Variants in UGT1A8 observed in about 807,000 individuals in gnomAD.
The protein encoded by UGT1A8 is UDP-glucuronosyltransferase 1A8.
In UGT1A8, 39 loss-of-function variants were observed where a neutral mutation model predicts 45.3. The observed-to-expected ratio is 0.86, with a 90% CI of 0.67 to 1.12. The LOEUF is 1.12. UGT1A8 is among the 50% of genes most tolerant of loss of function. The probability of loss-of-function intolerance (pLI) is 0.00; values close to 1 mark genes in which losing one functional copy is unlikely to be tolerated. For missense variants in UGT1A8, 719 were observed against 664.9 expected, an observed-to-expected ratio of 1.08 and a Z score of -0.90; for synonymous variants, 275 against 249.2, an observed-to-expected ratio of 1.10 and a Z score of -0.97.
chr2:233,732,685 AC>A (rs1163255557), intron 1 of UGT1A8, among the ~76,000 whole-genome samples: 1 of 150,632 alleles, frequency 6.6e-6, no homozygotes, highest in African/African-American at 2.4e-5. Context: ...TGGTACCAGC[AC>A]CCATGCTGTT....
chr2:233,718,849 C>T (rs199761544), intron 1 of UGT1A8: 64 of 1,613,712 alleles, frequency 4.0e-5, no homozygotes, highest in South Asian at 1.6e-4. Flanking sequence ...GTTCCCCTGC[C>T]GCGGCTGGCC....
At chr2:233,712,639 C>T (rs184142486) in intron 1 of UGT1A8, among the ~76,000 whole-genome samples, 30 of 152,228 alleles carry the variant, frequency 2.0e-4, no homozygotes, top group Non-Finnish European at 2.4e-4. Flanking sequence ...TCAGCTGCAG[C>T]CTGATAAACG....
intron 1 of UGT1A8, among the ~76,000 whole-genome samples, chr2:233,621,048 CA>C (rs1256013946): frequency 6.6e-6 from 1 of 152,102 alleles, no homozygotes; most frequent in Admixed American, 6.5e-5. Context: ...TCTCCTGTAA[CA>C]AAATCTCCTT....
intron 1 of UGT1A8, among the ~76,000 whole-genome samples, chr2:233,724,129 T>A (rs2077172457): frequency 8.6e-6 from 1 of 116,454 alleles, no homozygotes. Context: ...GCCCCTCACC[T>A]CCCGGACGGG....
chr2:233,680,695 G>A (rs953367999), intron 1 of UGT1A8, among the ~76,000 whole-genome samples: 3 of 152,170 alleles, frequency 2.0e-5, no homozygotes, highest in African/African-American at 4.8e-5. Context: ...ATGAAAACAG[G>A]TAGAAGATGT....
intron 1 of UGT1A8, among the ~76,000 whole-genome samples, chr2:233,689,462 A>G (rs2074944838): frequency 6.6e-6 from 1 of 152,236 alleles, no homozygotes; most frequent in South Asian, 2.1e-4. Flanking sequence ...CATTTTAGGA[A>G]AACAGAAGTT....
At chr2:233,624,617 G>T (rs922598593) in intron 1 of UGT1A8, among the ~76,000 whole-genome samples, 1 of 152,048 alleles carries the variant, frequency 6.6e-6, no homozygotes, top group Non-Finnish European at 1.5e-5. Flanking sequence ...TAATAATCTT[G>T]AAATGAGGTA....
Position 233,747,516 on chromosome 2 carries a change from G to C in UGT1A8, c.856-19518G>C, listed in dbSNP as rs1693703556. The C allele has an allele frequency of 1.9e-6, 3 of 1,607,196 alleles. 1 individual carries two copies. The African/African-American group carries it at 4.0e-5, about 22-fold the overall frequency. On this transcript the variant is annotated intron_variant, in intron 1 of 4. Coordinates refer to ENST00000373450, the MANE Select transcript of UGT1A8 (RefSeq NM_019076.5). ...GCTGGGCCACACTCAACTGTACTTT[G>C]AAACAGAACATTTTCTGAAGACATT...
intron 1 of UGT1A8, among the ~76,000 whole-genome samples, chr2:233,694,626 C>T (rs2075230787): frequency 6.6e-6 from 1 of 152,172 alleles, no homozygotes; most frequent in Non-Finnish European, 1.5e-5. Context: ...ATCTTTTATG[C>T]CTCAATTTTC....
intron 1 of UGT1A8, chr2:233,713,807 C>G: frequency 3.1e-6 from 5 of 1,614,092 alleles, no homozygotes; most frequent in Non-Finnish European, 4.2e-6. Context: ...TCATGCCCAA[C>G]ATGGTCTTCA....
intron 1 of UGT1A8, chr2:233,760,313 G>T (rs761736540): frequency 6.2e-7 from 1 of 1,613,818 alleles, no homozygotes. Context: ...CAGGGCGGAC[G>T]CCCACTTGTC....
intron 1 of UGT1A8, chr2:233,722,122 T>A (rs1395891774): frequency 5.5e-6 from 1 of 183,338 alleles, no homozygotes; most frequent in African/African-American, 2.3e-5. Context: ...ATCATCATCA[T>A]TAGTAGAGTT....
chr2:233,617,902 A>G lies in UGT1A8; in HGVS notation c.195A>G (p.Gln65=), dbSNP rs200299950. 9.3e-6 allele frequency: 15 copies of G among 1,614,068 alleles called. No individual in the cohort carries two copies. The highest frequency in any genetic ancestry group is 1.3e-5 in the Non-Finnish European group (15 of 1,180,046). Residue 65 remains glutamine (Q), a synonymous_variant, in exon 1 of 5, where the codon CAA becomes CAG. Coordinates refer to ENST00000373450, the MANE Select transcript of UGT1A8 (RefSeq NM_019076.5). ...VVVVMPEVSW[Q]LGKSLNCTVK... ...TAGTCATGCCAGAGGTGAGTTGGCA[A>G]CTGGGAAAATCACTGAATTGCACAG...
chr2:233,728,370 T>C (rs2077707382), intron 1 of UGT1A8, among the ~76,000 whole-genome samples: 1 of 152,190 alleles, frequency 6.6e-6, no homozygotes. Flanking sequence ...GAACCCACCA[T>C]GGGTCTTTGC....
At chr2:233,743,710 G>A (rs199592554) in intron 1 of UGT1A8, 114 of 1,367,318 alleles carry the variant, frequency 8.3e-5, no homozygotes, top group East Asian at 1.8e-4. Context: ...CCCCCGCCTC[G>A]CCATAGCGGT....
At position 233,767,839 on chromosome 2, in the gene UGT1A8, C is replaced by A; in HGVS notation, c.988-10C>A. The A allele has an allele frequency of 6.2e-7, 1 of 1,614,144 alleles. No individual in the cohort carries two copies. Among genetic ancestry groups the A allele is most frequent in the Non-Finnish European group, 8.5e-7 (1 of 1,180,028 alleles). ...CTTTCTTTACGTTCTGCTCTTTTTG[C>A]CCCTCCCAGGTCCTGTGGCGGTACA... On this transcript the variant is annotated splice_polypyrimidine_tract_variant and intron_variant, in intron 2 of 4. Coordinates refer to ENST00000373450, the MANE Select transcript of UGT1A8 (RefSeq NM_019076.5).
At chr2:233,718,727 A>G in intron 1 of UGT1A8, 1 of 1,610,864 alleles carries the variant, frequency 6.2e-7, no homozygotes, top group Non-Finnish European at 8.5e-7. Context: ...CTGATTTGCT[A>G]GGTGGCTCAA....
At chr2:233,768,197 A>G in intron 3 of UGT1A8, 23 bp from the exon 4 acceptor site, 3 of 1,614,174 alleles carry the variant, frequency 1.9e-6, no homozygotes, top group Non-Finnish European at 2.5e-6. Context: ...AACTGCTGAC[A>G]TCCTCCCTAT....
At chr2:233,700,822 T>C (rs536912731) in intron 1 of UGT1A8, among the ~76,000 whole-genome samples, 7 of 152,144 alleles carry the variant, frequency 4.6e-5, no homozygotes, top group South Asian at 2.1e-4. Flanking sequence ...GCTGCACCCA[T>C]TAACTCGTCA....
Sources: allele counts gnomAD v4.1 joint callset (sites outside exome capture counted in the v4.1 genomes callset), GRCh38; gene constraint gnomAD v4.1.1; transcripts MANE v1.5; gene names NCBI Gene and HGNC (gene_info 2026-07-23, HGNC 2026-07-21).